CSMD1: variants seen among roughly 807,000 people sequenced by gnomAD.
The protein encoded by CSMD1 is CUB and Sushi multiple domains 1, also known as CUB and sushi domain-containing protein 1.
In CSMD1, 213 loss-of-function variants were observed where a neutral mutation model predicts 417.5. The ratio of observed to expected loss-of-function variants is 0.51; its 90% CI spans 0.46 to 0.57. The LOEUF is 0.57. Ranked by LOEUF, CSMD1 falls within the 20% of genes least tolerant of loss-of-function variation. CSMD1 has a pLI of 0.00. For synonymous variants in CSMD1, 2,862 were observed against 1,736.8 expected (o/e 1.65, Z -16.11); for missense variants, 6,923 against 4,529.7 (o/e 1.53, Z -15.17).
intron 3 of CSMD1, among the ~76,000 whole-genome samples, chr8:4,314,149 C>T (rs182140673): frequency 1.3e-5 from 2 of 151,836 alleles, no homozygotes; most frequent in African/African-American, 4.8e-5. Context: ...TCAACACATC[C>T]GAAGTCTAAA....
rs1418597217 is a variant in CSMD1 at position 4,117,300 on chromosome 8, G to C, written c.416-85201C>G. ...TCGAAGCAGCATGCGTGGCTGGCTG[G>C]TGGGATCCTCCTTATACATCACCGT... On this transcript the variant is annotated intron_variant, in intron 3 of 69. Coordinates refer to ENST00000635120, the MANE Select transcript of CSMD1 (RefSeq NM_033225.6). Among the ~76,000 whole-genome samples the C allele has an allele frequency of 2.6e-5, 4 of 151,264 alleles. No homozygotes were observed. In the East Asian group the frequency reaches 7.8e-4, roughly 29 times the overall value.
chr8:2,979,485 G>A (rs947203066), intron 54 of CSMD1, among the ~76,000 whole-genome samples: 52 of 152,206 alleles, frequency 3.4e-4, no homozygotes, highest in Admixed American at 2.2e-3. Flanking sequence ...TTTTGCAGGT[G>A]CAGAGGAAAA....
intron 12 of CSMD1, among the ~76,000 whole-genome samples, chr8:3,411,791 TACAC>T (rs1812737265): frequency 1.7e-5 from 2 of 120,298 alleles, no homozygotes; most frequent in East Asian, 1.1e-3. Context: ...CCTGTATATA[TACAC>T]GTATATATAC....
At position 4,711,580 on chromosome 8, in the gene CSMD1, AT is replaced by A. The variant is rs376061013; in HGVS notation, c.86-74023del. 3.0e-3 allele frequency among the ~76,000 whole-genome samples: 459 copies of A among 152,280 alleles called. 1 individual carries two copies. Among genetic ancestry groups the A allele is most frequent in the Middle Eastern group, 6.8e-3 (2 of 292 alleles). ...AAGGACAGAGAAATTTGAAAAAAAA[AT>A]ATATTGGTACTAAATTAGAAATATA... is the stretch of plus-strand genomic sequence containing the variant. On this transcript the variant is annotated intron_variant, in intron 1 of 69. Transcript: ENST00000635120.
chr8:4,322,336 A>C (rs543108296), intron 3 of CSMD1, among the ~76,000 whole-genome samples: 133 of 151,964 alleles, frequency 8.8e-4, no homozygotes, highest in African/African-American at 3.2e-3. Context: ...TTTTTGCAAC[A>C]ATCTGAGCAC....
chr8:3,632,194 C>T (rs983497591), intron 7 of CSMD1, among the ~76,000 whole-genome samples: 1 of 152,124 alleles, frequency 6.6e-6, no homozygotes, highest in East Asian at 1.9e-4. Context: ...AAAGGCAGAA[C>T]TACTTTGGCA....
At chr8:4,504,209 G>A (rs961753053) in intron 2 of CSMD1, among the ~76,000 whole-genome samples, 4 of 152,124 alleles carry the variant, frequency 2.6e-5, no homozygotes, top group Non-Finnish European at 4.4e-5. Context: ...TCATTATACT[G>A]TGTGAACCAA....
At chr8:3,951,997 C>T (rs1052567242) in intron 5 of CSMD1, among the ~76,000 whole-genome samples, 1 of 152,128 alleles carries the variant, frequency 6.6e-6, no homozygotes, top group Non-Finnish European at 1.5e-5. Flanking sequence ...ACACTTGGAA[C>T]AACTTCACCA....
chr8:3,692,889 T>C (rs1211162656), intron 7 of CSMD1, among the ~76,000 whole-genome samples: 1 of 152,206 alleles, frequency 6.6e-6, no homozygotes, highest in East Asian at 1.9e-4. Context: ...TACTTTGATC[T>C]TTATATCCTA....
chr8:4,917,175 G>C (rs529678492), intron 1 of CSMD1, among the ~76,000 whole-genome samples: 29 of 152,314 alleles, frequency 1.9e-4, no homozygotes, highest in Admixed American at 1.4e-3. Flanking sequence ...GCAGGAGGAA[G>C]ACAGAGAGAA....
At chr8:3,914,329 G>A (rs1402183068) in intron 5 of CSMD1, among the ~76,000 whole-genome samples, 2 of 151,842 alleles carry the variant, frequency 1.3e-5, no homozygotes, top group Admixed American at 6.5e-5. Flanking sequence ...AGAGAATGGG[G>A]CCTAGAGGGT....
At chr8:2,962,860 G>C (rs971878709) in intron 60 of CSMD1, among the ~76,000 whole-genome samples, 2 of 152,172 alleles carry the variant, frequency 1.3e-5, no homozygotes, top group Non-Finnish European at 2.9e-5. Context: ...ACTAGCCTGG[G>C]CAACATGGCG....
intron 69 of CSMD1, among the ~76,000 whole-genome samples, chr8:2,941,395 G>C (rs1801864249): frequency 6.6e-6 from 1 of 152,150 alleles, no homozygotes; most frequent in Admixed American, 6.5e-5. Context: ...TCTGTATTAT[G>C]TACTGATATT....
intron 1 of CSMD1, among the ~76,000 whole-genome samples, chr8:4,773,932 A>C (rs1796720743): frequency 6.6e-6 from 1 of 152,238 alleles, no homozygotes; most frequent in Non-Finnish European, 1.5e-5. Flanking sequence ...GCAGTGGCTC[A>C]CGCCTGAAAT....
chr8:3,980,342 T>A (rs73180007), intron 5 of CSMD1, among the ~76,000 whole-genome samples: 31,412 of 152,098 alleles, frequency 0.21, 3,546 homozygotes, highest in East Asian at 0.4. Flanking sequence ...AGTTCTGAGA[T>A]AATCCTGAAT....
At chr8:4,658,349 C>G (rs79624068) in intron 1 of CSMD1, among the ~76,000 whole-genome samples, 4,825 of 151,988 alleles carry the variant, frequency 0.032, 115 homozygotes, top group East Asian at 0.12. Flanking sequence ...TTAAAGATGG[C>G]AAGACAGAAG....
At chr8:3,405,631 A>G (rs947728372) in intron 15 of CSMD1, among the ~76,000 whole-genome samples, 2 of 152,154 alleles carry the variant, frequency 1.3e-5, no homozygotes, top group African/African-American at 2.4e-5. Flanking sequence ...CCCCAATCCA[A>G]TATGATTGTG....
rs561013855 is a variant in CSMD1 at position 4,869,550 on chromosome 8, A to G, written c.85+124782T>C. On this transcript the variant is annotated intron_variant, in intron 1 of 69. Coordinates refer to ENST00000635120, the MANE Select transcript of CSMD1 (RefSeq NM_033225.6). ...GTATCTATTTATATTTTTTTACTGC[A>G]TGGCTGTTATGAAAAGCCTATTTTG... Among the ~76,000 whole-genome samples the G allele has an allele frequency of 2.6e-5, 4 of 152,194 alleles. No homozygotes were observed. The East Asian group carries it at 7.7e-4, about 29-fold the overall frequency.
intron 1 of CSMD1, among the ~76,000 whole-genome samples, chr8:4,744,763 T>A (rs901883982): frequency 1.3e-5 from 2 of 152,150 alleles, no homozygotes; most frequent in Non-Finnish European, 2.9e-5. Flanking sequence ...AGGGTTCTTG[T>A]TCACTGAAAT....
Sources: allele counts gnomAD v4.1 joint callset (sites outside exome capture counted in the v4.1 genomes callset), GRCh38; gene constraint gnomAD v4.1.1; transcripts MANE v1.5; gene names NCBI Gene and HGNC (gene_info 2026-07-23, HGNC 2026-07-21).